PKM: variants seen among roughly 807,000 people sequenced by gnomAD.
PKM encodes the protein pyruvate kinase PKM.
In PKM, 18 loss-of-function variants were observed where a neutral mutation model predicts 49.8. That is an observed-to-expected ratio of 0.36 (90% CI 0.25 to 0.54). The LOEUF (loss-of-function observed/expected upper bound fraction) is 0.54. PKM is among the 20% of genes least tolerant of loss of function. The pLI, the probability that PKM is intolerant of heterozygous loss-of-function variation, is 0.89. For missense variants in PKM, 508 were observed against 713.8 expected (o/e 0.71, Z 3.28); for synonymous variants, 239 against 261.8 (o/e 0.91, Z 0.84).
At chr15:72,204,116 T>C (rs907932715) in intron 8 of PKM, 4 of 152,204 alleles carry the variant, frequency 2.6e-5, no homozygotes, top group Non-Finnish European at 4.4e-5. Flanking sequence ...AAGAACGGAA[T>C]GCATGCAGCC....
intron 3 of PKM, 69 bp downstream of exon 3, chr15:72,217,340 C>T (rs1182988649): frequency 2.7e-5 from 26 of 950,514 alleles, no homozygotes; most frequent in East Asian, 1.4e-4. Flanking sequence ...TGTGGCTAAA[C>T]GAACACTGCA....
intron 4 of PKM, chr15:72,210,118 T>C: frequency 1.6e-6 from 1 of 638,552 alleles, no homozygotes; most frequent in Admixed American, 2.9e-5. Flanking sequence ...GCCTAAAGTT[T>C]AGGTTTTTAG....
chr15:72,220,723 T>C (rs2082499541), intron 1 of PKM, among the ~76,000 whole-genome samples: 1 of 152,216 alleles, frequency 6.6e-6, no homozygotes, highest in Non-Finnish European at 1.5e-5. Flanking sequence ...AGCATTCCAG[T>C]GTTTGTTAAA....
At chr15:72,230,379 C>G (rs1596820408) in intron 1 of PKM, among the ~76,000 whole-genome samples, 1 of 152,220 alleles carries the variant, frequency 6.6e-6, no homozygotes, top group Non-Finnish European at 1.5e-5. Flanking sequence ...CAGCACCGCC[C>G]GAGCCTGCTG....
intron 4 of PKM, 159 bp downstream of exon 4, chr15:72,210,188 T>C: frequency 1.2e-6 from 1 of 819,568 alleles, no homozygotes; most frequent in Non-Finnish European, 2.0e-6. Flanking sequence ...CAAATCAACA[T>C]TGTTTACAGT....
At chr15:72,219,693 C>T (rs1374119862) in intron 1 of PKM, among the ~76,000 whole-genome samples, 1 of 152,232 alleles carries the variant, frequency 6.6e-6, no homozygotes, top group Non-Finnish European at 1.5e-5. Flanking sequence ...AAACCTAAAA[C>T]CACATCTACT....
chr15:72,207,250 A>G lies in PKM; in HGVS notation c.864T>C (p.Asp288=). The change falls in exon 7 of 11, where the codon GAT becomes GAC. Residue 288 remains aspartate, a synonymous_variant. Transcript: ENST00000335181. ...GATCACCACGAGCCACCATGATCCCATCACTGGCCTCCAGGATTTCATCAA... is the reference window on the plus strand; with the variant it reads ...GATCACCACGAGCCACCATGATCCCGTCACTGGCCTCCAGGATTTCATCAA... ...RRFDEILEAS[D]GIMVARGDLG... 6.2e-7 allele frequency: 1 copy of G among 1,614,194 alleles called. No homozygotes were observed. The highest frequency in any genetic ancestry group is 8.5e-7 in the Non-Finnish European group (1 of 1,180,002).
intron 3 of PKM, among the ~76,000 whole-genome samples, chr15:72,211,621 A>G (rs910749796): frequency 6.6e-6 from 1 of 152,008 alleles, no homozygotes; most frequent in Non-Finnish European, 1.5e-5. Flanking sequence ...GTTTGAGATG[A>G]GCCTGGGCAA....
chr15:72,227,305 C>T (rs1280873507), intron 1 of PKM, among the ~76,000 whole-genome samples: 1 of 152,236 alleles, frequency 6.6e-6, no homozygotes, highest in Non-Finnish European at 1.5e-5. Context: ...TCAACGCATT[C>T]TTGTGTTATA....
rs1266060929 is a variant in PKM, at chr15:72,208,613, G to A, written c.836+8C>T. 1.9e-6 allele frequency: 3 copies of A among 1,613,894 alleles called. No individual in the cohort carries two copies. The East Asian group carries it at 6.7e-5, about 36-fold the overall frequency. ...GCTGGGACTGGAGCAGGGACAACGG[G>A]GACTTGCCTCCGAACCCCCTCATGA... On this transcript the variant is annotated splice_region_variant and intron_variant, in intron 6 of 10. Transcript: ENST00000335181.
chr15:72,230,021 C>G (rs1316784231), intron 1 of PKM, among the ~76,000 whole-genome samples: 1 of 152,198 alleles, frequency 6.6e-6, no homozygotes, highest in Non-Finnish European at 1.5e-5. Flanking sequence ...AGGTTTATCC[C>G]GCCCGTTACG....
At chr15:72,229,329 C>T (rs756768605) in intron 1 of PKM, among the ~76,000 whole-genome samples, 8 of 152,208 alleles carry the variant, frequency 5.3e-5, no homozygotes, top group Non-Finnish European at 8.8e-5. Flanking sequence ...AAATGTTACT[C>T]CCAGTTTTCC....
At chr15:72,217,351 C>G (rs1179682345) in intron 3 of PKM, 58 bp downstream of exon 3, 2 of 1,013,812 alleles carry the variant, frequency 2.0e-6, no homozygotes, top group Non-Finnish European at 3.2e-6. Context: ...GAACACTGCA[C>G]CCCCTCCCTG....
At chr15:72,230,915 C>A (rs1445414459) in intron 1 of PKM, 2 of 1,286,224 alleles carry the variant, frequency 1.6e-6, no homozygotes, top group African/African-American at 3.0e-5. Context: ...CTGGAAGGAA[C>A]GGCGCTGGGG....
Position 72,202,940 on chromosome 15 carries a change from T to TTGGGCC in PKM, c.1141-326_1141-321dup. Reference sequence around the variant, plus strand: ...AGAGGCTCTGTGCCCAGATGCCAGGTTGGGCCTGGCTGTCTTCTCCTAGAG... The same window carrying TTGGGCC: ...AGAGGCTCTGTGCCCAGATGCCAGGTTGGGCCTGGGCCTGGCTGTCTTCTCCTAGAG... On this transcript the variant is annotated intron_variant, in intron 8 of 10. Transcript: ENST00000335181. This position sits in a 1 kb window ranked among gnomAD's most constrained non-coding sequence, Gnocchi z 4.5. The TTGGGCC allele has an allele frequency of 7.2e-7, 1 of 1,386,036 alleles. No individual in the cohort carries two copies. The highest frequency in any genetic ancestry group is 2.3e-5 in the East Asian group (1 of 43,916). 85.9% of individuals were successfully genotyped at this position (1,386,036 alleles called of 1,614,324 possible).
chr15:72,207,888 G>C (rs1165138021), intron 6 of PKM, among the ~76,000 whole-genome samples: 1 of 152,256 alleles, frequency 6.6e-6, no homozygotes, highest in Non-Finnish European at 1.5e-5. Flanking sequence ...TGGGTGCACA[G>C]GGTTGCTCCC....
chr15:72,210,555 A>G (rs1484154532), intron 3 of PKM, 77 bp from the exon 4 acceptor site: 2 of 1,554,486 alleles, frequency 1.3e-6, no homozygotes, highest in Middle Eastern at 1.7e-4. Context: ...CAGGAGCCAA[A>G]GCTGATCACT....
At chr15:72,213,952 T>C (rs2082317268) in intron 3 of PKM, among the ~76,000 whole-genome samples, 1 of 152,228 alleles carries the variant, frequency 6.6e-6, no homozygotes, top group African/African-American at 2.4e-5. Context: ...CTCAGAACTT[T>C]CTATTTTACT....
At chr15:72,230,862 G>C (rs1040059939) in intron 1 of PKM, 1 of 1,156,434 alleles carries the variant, frequency 8.6e-7, no homozygotes, top group Admixed American at 2.3e-5. Context: ...CAGAATGAGG[G>C]GGTAGGGCTG....
Sources: allele counts gnomAD v4.1 joint callset (sites outside exome capture counted in the v4.1 genomes callset), GRCh38; gene constraint gnomAD v4.1.1; non-coding constraint Gnocchi (gnomAD v3.1); transcripts MANE v1.5; gene names NCBI Gene and HGNC (gene_info 2026-07-23, HGNC 2026-07-21).